Variants in CENPK observed in about 807,000 individuals in gnomAD.
CENPK encodes centromere protein K.
Under a neutral mutation model 40.9 loss-of-function variants are expected in CENPK, and 46 were observed. The observed-to-expected ratio is 1.13, with a 90% CI of 0.89 to 1.44. CENPK has a LOEUF of 1.44. Ranked by LOEUF, CENPK falls within the 40% of genes most tolerant of loss-of-function variation. The probability of loss-of-function intolerance (pLI) is 0.00; values close to 1 mark genes in which losing one functional copy is unlikely to be tolerated. For missense variants in CENPK, 288 were observed against 303.5 expected, an observed-to-expected ratio of 0.95 and a Z score of 0.38; for synonymous variants, 107 against 104.4, an observed-to-expected ratio of 1.02 and a Z score of -0.15.
chr5:65,514,831 T>C (rs1311311022), downstream of CENPK, among the ~76,000 whole-genome samples: 1 of 152,224 alleles, frequency 6.6e-6, no homozygotes, highest in East Asian at 1.9e-4. Context: ...GTTATCAAAT[T>C]TGTACACTCA....
intron 9 of CENPK, among the ~76,000 whole-genome samples, chr5:65,525,157 G>C (rs940746730): frequency 6.6e-6 from 1 of 152,074 alleles, no homozygotes; most frequent in Non-Finnish European, 1.5e-5. Context: ...TCAGGAGATC[G>C]AGACCAGCCT....
chr5:65,559,615 C>T (rs1751610525), intron 2 of CENPK, among the ~76,000 whole-genome samples: 1 of 127,356 alleles, frequency 7.9e-6, no homozygotes, highest in South Asian at 2.5e-4. Flanking sequence ...GGCGACAGAG[C>T]GAGACTCCGT....
At chr5:65,528,370 T>C in intron 9 of CENPK, 82 bp downstream of exon 9, 2 of 1,312,456 alleles carry the variant, frequency 1.5e-6, no homozygotes, top group Non-Finnish European at 2.0e-6. Context: ...ACCTTTGAAC[T>C]AAATAAGAAA....
chr5:65,529,328 A>G, intron 6 of CENPK, 129 bp from the exon 7 acceptor site: 1 of 624,188 alleles, frequency 1.6e-6, no homozygotes, highest in South Asian at 2.2e-5. Context: ...GCCTAGCAGA[A>G]AGCATTTGAA....
intron 6 of CENPK, chr5:65,541,497 C>T (rs1747974792): frequency 1.1e-5 from 5 of 454,658 alleles, no homozygotes; most frequent in East Asian, 7.0e-5. Context: ...AGAGGTGCTA[C>T]GTTGTATTGA....
intron 5 of CENPK, among the ~76,000 whole-genome samples, chr5:65,546,681 A>G (rs1261615303): frequency 1.3e-5 from 2 of 152,236 alleles, no homozygotes; most frequent in East Asian, 1.9e-4. Context: ...CCCTAATCCA[A>G]TAAGACTGGT....
At chr5:65,555,485 A>G (rs1233221055) in intron 2 of CENPK, among the ~76,000 whole-genome samples, 1 of 152,242 alleles carries the variant, frequency 6.6e-6, no homozygotes, top group Non-Finnish European at 1.5e-5. Context: ...AGGCTATTTT[A>G]AGGACTTTGA....
chr5:65,539,220 T>C (rs983089312), intron 6 of CENPK, among the ~76,000 whole-genome samples: 1 of 152,198 alleles, frequency 6.6e-6, no homozygotes, highest in African/African-American at 2.4e-5. Flanking sequence ...CAAAAATACA[T>C]TCATTCCATC....
chr5:65,499,677 T>A, the CENPK span, among the ~76,000 whole-genome samples: 1 of 147,480 alleles, frequency 6.8e-6, no homozygotes, highest in Non-Finnish European at 1.5e-5. Flanking sequence ...ATTTTTTTTT[T>A]TTTATTATAC....
At chr5:65,556,714 T>A (rs1751034584) in intron 2 of CENPK, among the ~76,000 whole-genome samples, 1 of 152,222 alleles carries the variant, frequency 6.6e-6, no homozygotes, top group South Asian at 2.1e-4. Flanking sequence ...TAGGCCTTCA[T>A]ATCTTCTCAC....
downstream of CENPK, among the ~76,000 whole-genome samples, chr5:65,517,579 AT>A (rs1742968163): frequency 6.6e-6 from 1 of 152,176 alleles, no homozygotes; most frequent in Non-Finnish European, 1.5e-5. Context: ...GACTTGGATA[AT>A]ATACAGTAGA....
the CENPK span, among the ~76,000 whole-genome samples, chr5:65,508,866 A>T: frequency 6.6e-6 from 1 of 151,334 alleles, no homozygotes; most frequent in African/African-American, 2.4e-5. Context: ...AAAAGTTTTT[A>T]GATACGGCAC....
chr5:65,517,046 G>A (rs1021989665), downstream of CENPK, among the ~76,000 whole-genome samples: 3 of 151,800 alleles, frequency 2.0e-5, no homozygotes, highest in Non-Finnish European at 4.4e-5. Context: ...AGGTTCAAGC[G>A]ATTCCCCTGC....
At chr5:65,545,838 C>T (rs914258677) in intron 5 of CENPK, among the ~76,000 whole-genome samples, 7 of 152,122 alleles carry the variant, frequency 4.6e-5, no homozygotes, top group African/African-American at 7.2e-5. Flanking sequence ...TAAGCTGTGT[C>T]CAGACTCCTA....
At chr5:65,511,106 C>G in the CENPK span, among the ~76,000 whole-genome samples, 3 of 152,198 alleles carry the variant, frequency 2.0e-5, no homozygotes, top group African/African-American at 7.2e-5. Context: ...CAACATTCCT[C>G]TAAGCCAAAG....
the CENPK span, among the ~76,000 whole-genome samples, chr5:65,505,313 T>C: frequency 4.6e-5 from 7 of 152,210 alleles, no homozygotes. Context: ...CTTTGAATAC[T>C]TTCTCTTTAA....
downstream of CENPK, among the ~76,000 whole-genome samples, chr5:65,514,610 C>G (rs954638374): frequency 1.1e-4 from 17 of 152,154 alleles, no homozygotes; most frequent in Non-Finnish European, 2.4e-4. Flanking sequence ...TTTTCTAGAA[C>G]AGACTGTACA....
the CENPK span, among the ~76,000 whole-genome samples, chr5:65,512,541 G>A: frequency 6.6e-6 from 1 of 152,188 alleles, no homozygotes; most frequent in Non-Finnish European, 1.5e-5. Context: ...GGTGAAGGCT[G>A]ATTAGGCATC....
chr5:65,501,111 C>G, the CENPK span, among the ~76,000 whole-genome samples: 6 of 148,982 alleles, frequency 4.0e-5, no homozygotes, highest in Non-Finnish European at 1.5e-5. Context: ...TTTATATCTT[C>G]TATTTCTTTG....
Sources: gnomAD v4.1 joint callset for allele counts (sites outside exome capture counted in the v4.1 genomes callset) on GRCh38, gnomAD v4.1.1 for gene constraint, MANE v1.5 for transcripts, NCBI Gene and HGNC (gene_info 2026-07-23, HGNC 2026-07-21) for gene names.